CTBP2: variants seen among roughly 807,000 people sequenced by gnomAD.
CTBP2 encodes the protein C-terminal-binding protein 2.
A neutral mutation model predicts 80.3 loss-of-function variants in CTBP2; 30 were observed. The observed-to-expected ratio is 0.37, with a 90% CI of 0.28 to 0.51. The LOEUF is 0.51. CTBP2 is among the 20% of genes least tolerant of loss of function. CTBP2 has a pLI of 0.93. For missense variants in CTBP2, 1,212 were observed against 1,375.3 expected, an observed-to-expected ratio of 0.88 and a Z score of 1.88; for synonymous variants, 594 against 587.4, an observed-to-expected ratio of 1.01 and a Z score of -0.16.
At chr10:125,088,601 A>G (rs1163731711) in intron 2 of CTBP2, among the ~76,000 whole-genome samples, 1 of 152,136 alleles carries the variant, frequency 6.6e-6, no homozygotes, top group Non-Finnish European at 1.5e-5. Context: ...ATTGATCACT[A>G]TTGCTCATTA....
At chr10:124,991,895 G>T (rs964664354) in intron 8 of CTBP2, among the ~76,000 whole-genome samples, 1 of 118,930 alleles carries the variant, frequency 8.4e-6, no homozygotes, top group East Asian at 2.7e-4. Flanking sequence ...AGCAATAATG[G>T]GGGGGGGGGT....
At chr10:125,001,028 G>A (rs1226426740) in intron 3 of CTBP2, 3 of 152,258 alleles carry the variant, frequency 2.0e-5, no homozygotes, top group African/African-American at 4.8e-5. Context: ...CAAAACCGCA[G>A]TCCCTGGTCC....
intron 2 of CTBP2, among the ~76,000 whole-genome samples, chr10:125,050,250 A>G (rs1009338743): frequency 6.6e-6 from 1 of 152,218 alleles, no homozygotes; most frequent in Non-Finnish European, 1.5e-5. Context: ...GTCTCCTGCG[A>G]CAGGTCGTGG....
intron 1 of CTBP2, among the ~76,000 whole-genome samples, chr10:125,153,954 C>A (rs185681774): frequency 8.5e-4 from 130 of 152,330 alleles, no homozygotes; most frequent in African/African-American, 3.0e-3. Flanking sequence ...GGAAGACCTA[C>A]ACACACTGTC....
At chr10:125,095,132 C>T (rs1226171963) in intron 2 of CTBP2, among the ~76,000 whole-genome samples, 1 of 152,112 alleles carries the variant, frequency 6.6e-6, no homozygotes, top group Non-Finnish European at 1.5e-5. Context: ...TAGGGTAGGT[C>T]TCTCAACACA....
intron 2 of CTBP2, among the ~76,000 whole-genome samples, chr10:125,075,343 A>G (rs1345452113): frequency 6.6e-6 from 1 of 152,194 alleles, no homozygotes; most frequent in Non-Finnish European, 1.5e-5. Context: ...TGATTAGGCC[A>G]TGAGGCTCTA....
At chr10:125,153,503 A>C (rs746298159) in intron 1 of CTBP2, among the ~76,000 whole-genome samples, 18 of 152,294 alleles carry the variant, frequency 1.2e-4, no homozygotes, top group Admixed American at 2.6e-4. Flanking sequence ...AAAGGTGCAC[A>C]AACTCCTGGC....
intron 2 of CTBP2, among the ~76,000 whole-genome samples, chr10:125,110,051 G>C (rs1384694624): frequency 6.6e-6 from 1 of 152,168 alleles, no homozygotes; most frequent in Non-Finnish European, 1.5e-5. Flanking sequence ...TGTGCCCCTG[G>C]GCTCCAAGTC....
intron 2 of CTBP2, among the ~76,000 whole-genome samples, chr10:125,065,683 G>A (rs1202919869): frequency 6.6e-6 from 1 of 152,172 alleles, no homozygotes; most frequent in East Asian, 1.9e-4. Context: ...AGCTCTTGTG[G>A]CCAGCCCCAG....
At chr10:124,992,939 G>A in intron 7 of CTBP2, 127 bp from the exon 10 acceptor site, 1 of 876,326 alleles carries the variant, frequency 1.1e-6, no homozygotes, top group South Asian at 1.7e-5. Flanking sequence ...AAAGGCCCAA[G>A]TGCTTGAGCT....
At chr10:125,089,821 G>A (rs921471433) in intron 2 of CTBP2, among the ~76,000 whole-genome samples, 49 of 152,282 alleles carry the variant, frequency 3.2e-4, no homozygotes, top group African/African-American at 1.2e-3. Flanking sequence ...CTGACCAAGG[G>A]AATGGCCTAA....
intron 1 of CTBP2, among the ~76,000 whole-genome samples, chr10:125,018,169 T>C (rs1170286318): frequency 1.3e-5 from 2 of 152,184 alleles, no homozygotes; most frequent in African/African-American, 4.8e-5. Flanking sequence ...TCTCTGAGTC[T>C]GTCAGAGGAA....
At chr10:125,006,932 A>C (rs557441590) in intron 1 of CTBP2, among the ~76,000 whole-genome samples, 1 of 152,324 alleles carries the variant, frequency 6.6e-6, no homozygotes, top group East Asian at 1.9e-4. Flanking sequence ...CGTACAGACC[A>C]CAAGGCTGAC....
intron 2 of CTBP2, among the ~76,000 whole-genome samples, chr10:125,072,345 T>A (rs1413155157): frequency 6.6e-6 from 1 of 151,842 alleles, no homozygotes; most frequent in Non-Finnish European, 1.5e-5. Context: ...CTGGGTGCAG[T>A]GACTCACGTC....
chr10:125,075,147 A>G (rs1846087102), intron 2 of CTBP2, among the ~76,000 whole-genome samples: 1 of 152,238 alleles, frequency 6.6e-6, no homozygotes, highest in Non-Finnish European at 1.5e-5. Flanking sequence ...GCTCATCAAA[A>G]AGATTATAGA....
intron 1 of CTBP2, among the ~76,000 whole-genome samples, chr10:125,136,933 C>G (rs1039658102): frequency 2.0e-5 from 3 of 152,180 alleles, no homozygotes; most frequent in African/African-American, 7.2e-5. Context: ...CAAATGGGCT[C>G]CGGGCTCGTG....
intron 3 of CTBP2, among the ~76,000 whole-genome samples, chr10:125,038,337 C>G (rs113955059): frequency 2.6e-5 from 4 of 152,144 alleles, no homozygotes; most frequent in African/African-American, 9.6e-5. Context: ...CCAGCAATCA[C>G]CCTGAGCAAA....
intron 2 of CTBP2, among the ~76,000 whole-genome samples, chr10:125,083,227 G>C (rs1346931289): frequency 6.6e-6 from 1 of 152,210 alleles, no homozygotes; most frequent in Non-Finnish European, 1.5e-5. Context: ...ACCAGGGCCA[G>C]CACGCATTCT....
chr10:125,148,646 A>G (rs767731839), intron 1 of CTBP2, among the ~76,000 whole-genome samples: 2 of 152,196 alleles, frequency 1.3e-5, no homozygotes, highest in Non-Finnish European at 1.5e-5. Context: ...CTCTACGGAC[A>G]TGAGAGCCTC....
Sources: allele counts gnomAD v4.1 joint callset (sites outside exome capture counted in the v4.1 genomes callset), GRCh38; gene constraint gnomAD v4.1.1; transcripts MANE v1.5; gene names NCBI Gene and HGNC (gene_info 2026-07-23, HGNC 2026-07-21).